Variants in PRDM2 observed in about 807,000 individuals in gnomAD.
The protein encoded by PRDM2 is PR/SET domain 2, also known as PR domain zinc finger protein 2.
Under a neutral mutation model 130.0 loss-of-function variants are expected in PRDM2, and 30 were observed. The ratio of observed to expected loss-of-function variants is 0.23; its 90% CI spans 0.17 to 0.31. PRDM2 has a LOEUF of 0.31. Ranked by LOEUF, PRDM2 falls within the 10% of genes least tolerant of loss-of-function variation. PRDM2 has a pLI of 1.00. For missense variants in PRDM2, 2,011 were observed against 2,108.4 expected, an observed-to-expected ratio of 0.95 and a Z score of 0.90; for synonymous variants, 871 against 782.4, an observed-to-expected ratio of 1.11 and a Z score of -1.89.
At chr1:13,718,109 G>A (rs1030665991) in intron 2 of PRDM2, among the ~76,000 whole-genome samples, 3 of 152,120 alleles carry the variant, frequency 2.0e-5, no homozygotes, top group Non-Finnish European at 2.9e-5. Context: ...GTGAAAATGA[G>A]CAGTAAATGC....
chr1:13,779,019 T>G lies in PRDM2; in HGVS notation c.1224T>G (p.His408Gln). ...AFGTQINRRR[H>Q]ERRHEAGLKR... ...GCACACAGATTAACCGGCGGCGACA[T>G]GAGCGGCGCCATGAAGCAGGGTTAA... The change falls in exon 8 of 10, where the codon CAT becomes CAG. Residue 408 changes from histidine (H) to glutamine (Q), a missense_variant. Transcript: ENST00000311066. The surrounding 1 kb of genome is among the most constrained non-coding windows in gnomAD (Gnocchi z 4.9). 8 of 1,614,170 alleles carry G rather than the reference T, an allele frequency of 5.0e-6. No homozygotes were observed. The highest frequency in any genetic ancestry group is 6.8e-6 in the Non-Finnish European group (8 of 1,180,014).
At chr1:13,742,326 C>T (rs189764168) in intron 5 of PRDM2, among the ~76,000 whole-genome samples, 169 bp downstream of exon 5, 57 of 152,250 alleles carry the variant, frequency 3.7e-4, no homozygotes, top group African/African-American at 1.3e-3. Context: ...CTCAACCTCC[C>T]GAGTAGCCAG....
chr1:13,710,575 A>C (rs1025671668), intron 1 of PRDM2, among the ~76,000 whole-genome samples: 8 of 152,206 alleles, frequency 5.3e-5, no homozygotes, highest in African/African-American at 1.9e-4. Context: ...CTAAGAGTGC[A>C]TGCTCTTCTG....
intron 8 of PRDM2, among the ~76,000 whole-genome samples, chr1:13,797,924 ATTCTT>A (rs1360188186): frequency 1.3e-5 from 2 of 152,134 alleles, no homozygotes; most frequent in African/African-American, 2.4e-5. Context: ...TTGATTTTAA[ATTCTT>A]TTCCTTTGCT....
rs1644591457 is a variant in PRDM2 at position 13,780,757 on chromosome 1, C to T, written c.2962C>T (p.Pro988Ser). ...ATTAACTGTTGCCACTCCGCCCCCT[C>T]CCCTCCTTCCTACCGTACCTCTTCC... Reference protein sequence around the residue: ...PVLTVATPPPPLLPTVPLPAP... With the variant: ...PVLTVATPPPSLLPTVPLPAP... Residue 988 changes from proline to serine, a missense_variant, in exon 8 of 10, where the codon CCC becomes TCC. By Grantham distance (74) the Pro-to-Ser change is moderately conservative. Transcript: ENST00000311066. 1 of 1,567,582 alleles carries T rather than the reference C, an allele frequency of 6.4e-7. No homozygotes were observed. Among genetic ancestry groups the T allele is most frequent in the Non-Finnish European group, 8.7e-7 (1 of 1,153,396 alleles).
At chr1:13,790,147 G>C (rs916143193) in intron 8 of PRDM2, among the ~76,000 whole-genome samples, 3 of 152,208 alleles carry the variant, frequency 2.0e-5, no homozygotes, top group Non-Finnish European at 4.4e-5. Flanking sequence ...GCTGGGACCT[G>C]CCTGGGTAAT....
chr1:13,762,072 T>G (rs1022781895), intron 6 of PRDM2, among the ~76,000 whole-genome samples: 1 of 152,260 alleles, frequency 6.6e-6, no homozygotes, highest in Non-Finnish European at 1.5e-5. Flanking sequence ...GTAATTTGTT[T>G]AGTAGCATCT....
At position 13,798,952 on chromosome 1, in the gene PRDM2, C is replaced by T. The variant is rs571071883; in HGVS notation, c.5036+16121C>T. The stretch of plus-strand genomic sequence containing the variant: ...GTGTTAACAAAGCTGTTCCAAAAAC[C>T]GGATCTGCAACACAGTATCGCTTGC... On this transcript the variant is annotated intron_variant, in intron 8 of 9. Transcript: ENST00000311066. Among the ~76,000 whole-genome samples the T allele has an allele frequency of 1.2e-3, 179 of 152,304 alleles. 3 individuals carry two copies. The South Asian group carries it at 0.036, about 31-fold the overall frequency.
chr1:13,763,377 G>A (rs1374590247), intron 6 of PRDM2, among the ~76,000 whole-genome samples: 2 of 152,168 alleles, frequency 1.3e-5, no homozygotes, highest in Non-Finnish European at 2.9e-5. Context: ...GGTTAACAGG[G>A]TAATTTGAAT....
At chr1:13,804,388 G>A (rs1645056190) in intron 8 of PRDM2, among the ~76,000 whole-genome samples, 1 of 152,134 alleles carries the variant, frequency 6.6e-6, no homozygotes, top group Non-Finnish European at 1.5e-5. Context: ...TCAAGCAGCA[G>A]CTCCTCTCCA....
chr1:13,749,564 G>A, intron 6 of PRDM2, 77 bp downstream of exon 6: 2 of 966,884 alleles, frequency 2.1e-6, no homozygotes, highest in Non-Finnish European at 1.2e-6. Context: ...CCTCGCTGCT[G>A]CTGGCCCGAC....
In PRDM2 at chr1:13,782,696, C is replaced by G; in HGVS notation, c.4901C>G (p.Thr1634Arg). ...TCCACCTTGGCGAGTAAGAAAAGAA[C>G]AGACCGGTTCAATATAAAATCTAGA... Reference protein sequence around the residue: ...SKSTLASKKRTDRFNIKSRER... With the variant: ...SKSTLASKKRRDRFNIKSRER... The change falls in exon 8 of 10, where the codon ACA (threonine) becomes AGA (arginine). Residue 1634 changes from threonine to arginine, a missense_variant. By Grantham distance (71) the Thr-to-Arg change is moderately conservative. Coordinates refer to ENST00000311066, the MANE Select transcript of PRDM2 (RefSeq NM_001393986.1). 1.9e-6 allele frequency: 3 copies of G among 1,614,080 alleles called. No homozygotes were observed. Among genetic ancestry groups the G allele is most frequent in the East Asian group, 2.2e-5 (1 of 44,888 alleles).
chr1:13,701,001 A>G (rs1057453538), intron 1 of PRDM2, among the ~76,000 whole-genome samples: 1 of 152,178 alleles, frequency 6.6e-6, no homozygotes, highest in African/African-American at 2.4e-5. Context: ...GGTCAGTGTC[A>G]TTCCCCAAAC....
At position 13,823,228 on chromosome 1, in the gene PRDM2, AT is replaced by A; in HGVS notation, c.*94del. The stretch of plus-strand genomic sequence containing the variant: ...TCTGCCCTGCAGGGAGTACCGACCT[AT>A]CCCAGTTGTGTGAGGCTGCGAGAGA... On this transcript the variant is annotated 3_prime_UTR_variant, in exon 10 of 10. Transcript: ENST00000311066. 6.2e-7 allele frequency: 1 copy of A among 1,602,894 alleles called. No homozygotes were observed. Among genetic ancestry groups the A allele is most frequent in the Non-Finnish European group, 8.5e-7 (1 of 1,170,560 alleles).
chr1:13,769,145 G>A (rs1287288291), intron 6 of PRDM2: 3 of 985,592 alleles, frequency 3.0e-6, no homozygotes, highest in African/African-American at 1.7e-5. Context: ...GCTGGCAGTA[G>A]CGCCCTGTAG....
rs1644774038 is a variant in PRDM2, at chr1:13,787,910, G to A, written c.5036+5079G>A. On this transcript the variant is annotated intron_variant, in intron 8 of 9. Coordinates refer to ENST00000311066, the MANE Select transcript of PRDM2 (RefSeq NM_001393986.1). ...GAGAGAGAGAGGTTAATTATAGATA[G>A]ACAAGAGTGGTGTTTGTTGTTTTTC... 6.1e-6 allele frequency: 6 copies of A among 985,152 alleles called. No homozygotes were observed. In the Admixed American group the frequency reaches 1.8e-4, roughly 30 times the overall value. The allele number at this position is 985,152 out of a possible 1,614,324, so 61.0% of individuals were successfully genotyped here.
At position 13,780,510 on chromosome 1, in the gene PRDM2, C is replaced by G. The variant is rs759998188; in HGVS notation, c.2715C>G (p.Asn905Lys). 2.0e-5 allele frequency: 33 copies of G among 1,614,178 alleles called. No homozygotes were observed. The highest frequency in any genetic ancestry group is 2.7e-5 in the Non-Finnish European group (32 of 1,180,036). ...EYNGIDLPVE[N>K]PADGTRSPSP... is the part of the protein sequence containing the mutation. ...ATGGCATCGATTTACCTGTAGAAAA[C>G]CCTGCAGATGGGACCAGGAGCCCAA... Residue 905 changes from asparagine (N) to lysine (K), a missense_variant, in exon 8 of 10, where the codon AAC (asparagine) becomes AAG (lysine). This residue lies in a region of PRDM2 where 1,288 missense variants were observed against 1,237.7 expected (regional missense o/e 1.04). Transcript: ENST00000311066.
chr1:13,775,514 A>G (rs1320435641), intron 7 of PRDM2, among the ~76,000 whole-genome samples: 2 of 152,184 alleles, frequency 1.3e-5, no homozygotes, highest in Non-Finnish European at 2.9e-5. Flanking sequence ...GGAATTTATG[A>G]AATTAGTCTA....
intron 2 of PRDM2, among the ~76,000 whole-genome samples, chr1:13,719,267 A>G (rs1642647185): frequency 6.6e-6 from 1 of 152,230 alleles, no homozygotes; most frequent in Admixed American, 6.5e-5. Context: ...ATCTGGAAAA[A>G]GAAAATTCCA....
Sources: gnomAD v4.1 joint callset for allele counts (sites outside exome capture counted in the v4.1 genomes callset) on GRCh38, gnomAD v4.1.1 for gene constraint, gnomAD v4.1.1 regional missense constraint, Gnocchi (gnomAD v3.1) non-coding constraint, MANE v1.5 for transcripts, NCBI Gene and HGNC (gene_info 2026-07-23, HGNC 2026-07-21) for gene names.